The following GALNT17 variants were observed in gnomAD, a reference collection of about 807,000 sequenced individuals.
GALNT17 encodes polypeptide N-acetylgalactosaminyltransferase 17, also known as UDP-GalNAc:polypeptide N-acetylgalactosaminyltransferase-like 3.
Under a neutral mutation model 63.7 loss-of-function variants are expected in GALNT17, and 29 were observed. That is an observed-to-expected ratio of 0.46 (90% CI 0.34 to 0.62). GALNT17 has a LOEUF of 0.62. GALNT17 is among the 20% of genes least tolerant of loss of function. The pLI is 0.01. For synonymous variants in GALNT17, 305 were observed against 318.3 expected (o/e 0.96, Z 0.45); for missense variants, 603 against 799.6 (o/e 0.75, Z 2.97).
intron 5 of GALNT17, among the ~76,000 whole-genome samples, chr7:71,489,333 A>G (rs1431557121): frequency 1.3e-5 from 2 of 152,136 alleles, no homozygotes; most frequent in African/African-American, 2.4e-5. Context: ...CCCAGCTCTT[A>G]TAGGGGAGGA....
intron 1 of GALNT17, among the ~76,000 whole-genome samples, chr7:71,265,687 C>T (rs1790480681): frequency 6.6e-6 from 1 of 152,128 alleles, no homozygotes; most frequent in African/African-American, 2.4e-5. Context: ...CAACCAGCCT[C>T]TCTAGGGGAA....
intron 5 of GALNT17, among the ~76,000 whole-genome samples, chr7:71,483,959 T>C (rs1347317284): frequency 6.6e-6 from 1 of 152,120 alleles, no homozygotes; most frequent in East Asian, 1.9e-4. Flanking sequence ...AATATCACCA[T>C]CTTCCACCTT....
chr7:71,497,613 G>T (rs572070974), intron 5 of GALNT17, among the ~76,000 whole-genome samples: 31 of 152,340 alleles, frequency 2.0e-4, no homozygotes, highest in African/African-American at 7.5e-4. Context: ...TATGAATGTG[G>T]TTACAGGGGA....
At chr7:71,618,075 G>T (rs1293387057) in intron 6 of GALNT17, among the ~76,000 whole-genome samples, 1 of 152,132 alleles carries the variant, frequency 6.6e-6, no homozygotes, top group Non-Finnish European at 1.5e-5. Flanking sequence ...TGCAGGATTT[G>T]ATTGTCTGTT....
At chr7:71,159,255 C>T (rs900286125) in intron 1 of GALNT17, among the ~76,000 whole-genome samples, 1 of 150,404 alleles carries the variant, frequency 6.6e-6, no homozygotes, top group African/African-American at 2.5e-5. Context: ...TGTGCCTTTT[C>T]TTAGGAAAGT....
At chr7:71,199,910 C>G (rs6975042) in intron 1 of GALNT17, among the ~76,000 whole-genome samples, 50,175 of 151,986 alleles carry the variant, frequency 0.33, 10,023 homozygotes, top group African/African-American at 0.56. Context: ...TGTAATAGAA[C>G]CTCCTCTTTT....
chr7:71,570,434 C>T (rs565104440), intron 5 of GALNT17, among the ~76,000 whole-genome samples: 3 of 152,122 alleles, frequency 2.0e-5, no homozygotes, highest in Admixed American at 1.3e-4. Flanking sequence ...TGCAATCTTC[C>T]TCTCTCCAGT....
intron 6 of GALNT17, among the ~76,000 whole-genome samples, chr7:71,648,542 G>A (rs1261429566): frequency 1.3e-5 from 2 of 152,062 alleles, no homozygotes; most frequent in Middle Eastern, 3.4e-3. Context: ...CAAAGTACTG[G>A]GATGACAGGC....
At chr7:71,619,478 T>C (rs1184519717) in intron 6 of GALNT17, among the ~76,000 whole-genome samples, 1 of 152,238 alleles carries the variant, frequency 6.6e-6, no homozygotes, top group Non-Finnish European at 1.5e-5. Flanking sequence ...TCAGCAGTGT[T>C]TTCTAGTTCT....
chr7:71,670,650 C>A (rs1791054610), intron 8 of GALNT17, among the ~76,000 whole-genome samples: 1 of 152,140 alleles, frequency 6.6e-6, no homozygotes, highest in African/African-American at 2.4e-5. Context: ...TATTTGAGTG[C>A]TTTTGAAGTA....
chr7:71,272,136 G>A (rs1456904041), intron 1 of GALNT17, among the ~76,000 whole-genome samples: 2 of 152,198 alleles, frequency 1.3e-5, no homozygotes, highest in Non-Finnish European at 2.9e-5. Flanking sequence ...AACCTTTGGG[G>A]CCTGGCTTCT....
intron 2 of GALNT17, among the ~76,000 whole-genome samples, chr7:71,380,974 T>C (rs1211628575): frequency 6.6e-6 from 1 of 151,548 alleles, no homozygotes; most frequent in Non-Finnish European, 1.5e-5. Context: ...TTGTTTTTTT[T>C]TTTTAAGACA....
chr7:71,656,010 C>T (rs114936602), intron 6 of GALNT17, among the ~76,000 whole-genome samples: 1,595 of 152,266 alleles, frequency 0.01, 39 homozygotes, highest in African/African-American at 0.036. Context: ...GGCCCCCTCT[C>T]CAGACAATTT....
intron 1 of GALNT17, among the ~76,000 whole-genome samples, chr7:71,248,098 G>A (rs183668067): frequency 6.6e-4 from 101 of 152,254 alleles, no homozygotes; most frequent in Non-Finnish European, 1.1e-3. Flanking sequence ...TCACAGCTCC[G>A]CATGTCTGGG....
At chr7:71,221,685 G>A (rs1054113016) in intron 1 of GALNT17, among the ~76,000 whole-genome samples, 1 of 152,132 alleles carries the variant, frequency 6.6e-6, no homozygotes, top group Admixed American at 6.5e-5. Context: ...GGAGGAATCT[G>A]ACCCAGAAAC....
intron 5 of GALNT17, among the ~76,000 whole-genome samples, chr7:71,508,539 T>A (rs1285104608): frequency 6.6e-6 from 1 of 152,012 alleles, no homozygotes; most frequent in Non-Finnish European, 1.5e-5. Context: ...ACTAGAGAAG[T>A]GAGCACACGC....
intron 6 of GALNT17, among the ~76,000 whole-genome samples, chr7:71,581,769 A>C (rs1164770557): frequency 6.6e-6 from 1 of 152,308 alleles, no homozygotes; most frequent in Non-Finnish European, 1.5e-5. Context: ...TGGGGACATG[A>C]GTAGTTCCAT....
intron 5 of GALNT17, among the ~76,000 whole-genome samples, chr7:71,498,149 G>A (rs909572387): frequency 2.0e-5 from 3 of 152,058 alleles, no homozygotes; most frequent in African/African-American, 7.2e-5. Context: ...TGCTACATTT[G>A]CTACAATGAA....
intron 1 of GALNT17, among the ~76,000 whole-genome samples, chr7:71,329,308 C>G (rs1020456924): frequency 6.6e-6 from 1 of 151,994 alleles, no homozygotes; most frequent in Non-Finnish European, 1.5e-5. Flanking sequence ...TAAGAGCACA[C>G]AGAATAAAGA....
Sources: gnomAD v4.1 joint callset for allele counts (sites outside exome capture counted in the v4.1 genomes callset) on GRCh38, gnomAD v4.1.1 for gene constraint, MANE v1.5 for transcripts, NCBI Gene and HGNC (gene_info 2026-07-23, HGNC 2026-07-21) for gene names.